The following TMEFF2 variants were observed in gnomAD, a reference collection of about 807,000 sequenced individuals.
TMEFF2 encodes transmembrane protein with EGF like and two follistatin like domains 2.
In TMEFF2, 28 loss-of-function variants were observed where a neutral mutation model predicts 53.8. That is an observed-to-expected ratio of 0.52 (90% CI 0.39 to 0.71). The LOEUF (loss-of-function observed/expected upper bound fraction) is 0.71. Among genes scored for constraint, TMEFF2 ranks in the 30% least tolerant of loss-of-function variants. The probability of loss-of-function intolerance (pLI) is 0.00; values close to 1 mark genes in which losing one functional copy is unlikely to be tolerated. For missense variants in TMEFF2, 353 were observed against 455.2 expected, an observed-to-expected ratio of 0.78 and a Z score of 2.04; for synonymous variants, 162 against 166.3, an observed-to-expected ratio of 0.97 and a Z score of 0.20.
chr2:192,149,108 A>T (rs1690323557), intron 4 of TMEFF2, among the ~76,000 whole-genome samples: 1 of 151,810 alleles, frequency 6.6e-6, no homozygotes, highest in South Asian at 2.1e-4. Context: ...TCAGGCCTTT[A>T]ATTTTGCATT....
Position 192,194,504 on chromosome 2 carries a change from C to T in TMEFF2, c.21G>A (p.Pro7=). Residue 7 remains proline (P), a synonymous_variant, in exon 1 of 10, where the codon CCG becomes CCA. Transcript: ENST00000272771. The surrounding 1 kb of genome is among the most constrained non-coding windows in gnomAD (Gnocchi z 4.2). MVLWES[P]RQCSSWTLCE... Reference sequence around the variant, plus strand: ...AAAGTGTCCAGCTGCTGCACTGCCGCGGGGACTCCCACAGCACCATGACTA... The same window carrying T: ...AAAGTGTCCAGCTGCTGCACTGCCGTGGGGACTCCCACAGCACCATGACTA... The T allele has an allele frequency of 6.2e-7, 1 of 1,613,610 alleles. No homozygotes were observed. The highest frequency in any genetic ancestry group is 8.5e-7 in the Non-Finnish European group (1 of 1,179,966).
chr2:192,120,230 A>G (rs536123391), intron 4 of TMEFF2, among the ~76,000 whole-genome samples: 1 of 152,296 alleles, frequency 6.6e-6, no homozygotes, highest in East Asian at 1.9e-4. Flanking sequence ...GACTGAACAG[A>G]GGACTGGCCT....
Position 191,949,848 on chromosome 2 carries a change from C to T in TMEFF2, c.*463G>A. Reference sequence around the variant, plus strand: ...AATTATTTTTTCTCTTTTCCAATAACCATCATTTCCCTTGATCTTGGAATC... The same window carrying T: ...AATTATTTTTTCTCTTTTCCAATAATCATCATTTCCCTTGATCTTGGAATC... On this transcript the variant is annotated 3_prime_UTR_variant, in exon 10 of 10. Transcript: ENST00000272771. 2 of 985,920 alleles carry T rather than the reference C, an allele frequency of 2.0e-6. No homozygotes were observed. The highest frequency in any genetic ancestry group is 2.4e-6 in the Non-Finnish European group (2 of 830,084). The allele number at this position is 985,920 out of a possible 1,614,324, so 61.1% of individuals were successfully genotyped here.
chr2:192,032,044 A>G (rs1687151030), intron 5 of TMEFF2: 1 of 152,238 alleles, frequency 6.6e-6, no homozygotes, highest in African/African-American at 2.4e-5. Context: ...TTGGAAACAC[A>G]AAGCACTTTT....
intron 4 of TMEFF2, among the ~76,000 whole-genome samples, chr2:192,132,727 A>G (rs970311628): frequency 6.6e-6 from 1 of 152,150 alleles, no homozygotes; most frequent in Non-Finnish European, 1.5e-5. Context: ...CCACCAGGGC[A>G]AGGAATGCCT....
chr2:192,049,230 G>T (rs918900579), intron 5 of TMEFF2, among the ~76,000 whole-genome samples: 3 of 152,058 alleles, frequency 2.0e-5, no homozygotes, highest in African/African-American at 7.2e-5. Context: ...GACCCTGAGT[G>T]GTAGTTAAGA....
At chr2:192,010,890 C>G (rs1686610263) in intron 5 of TMEFF2, among the ~76,000 whole-genome samples, 1 of 152,182 alleles carries the variant, frequency 6.6e-6, no homozygotes, top group Non-Finnish European at 1.5e-5. Flanking sequence ...CTGGTGCCTT[C>G]TAACAAGAGG....
At chr2:192,067,098 T>A (rs986511043) in intron 4 of TMEFF2, among the ~76,000 whole-genome samples, 1 of 151,822 alleles carries the variant, frequency 6.6e-6, no homozygotes, top group African/African-American at 2.4e-5. Flanking sequence ...TTGCAAGATT[T>A]GCTAATGAGG....
chr2:192,051,983 A>C, intron 5 of TMEFF2, among the ~76,000 whole-genome samples: 1 of 152,178 alleles, frequency 6.6e-6, no homozygotes, highest in East Asian at 1.9e-4. Flanking sequence ...CTCAAACACT[A>C]AGGATGTTAT....
intron 4 of TMEFF2, among the ~76,000 whole-genome samples, chr2:192,125,854 G>A (rs1179401113): frequency 6.6e-6 from 1 of 152,160 alleles, no homozygotes; most frequent in African/African-American, 2.4e-5. Flanking sequence ...TGGGAAACAA[G>A]ACACACTGGG....
At chr2:192,090,332 T>A (rs555884933) in intron 4 of TMEFF2, among the ~76,000 whole-genome samples, 24 of 152,264 alleles carry the variant, frequency 1.6e-4, no homozygotes, top group Admixed American at 1.2e-3. Context: ...TTTTCCAGAA[T>A]TTTTTATGAT....
chr2:192,174,559 G>A (rs1298091644), intron 4 of TMEFF2, among the ~76,000 whole-genome samples: 1 of 151,686 alleles, frequency 6.6e-6, no homozygotes, highest in African/African-American at 2.4e-5. Context: ...AACCTAAGAA[G>A]AGCTGAGATA....
chr2:192,099,957 GAA>G (rs1261889799), intron 4 of TMEFF2, among the ~76,000 whole-genome samples: 1 of 152,050 alleles, frequency 6.6e-6, no homozygotes, highest in Non-Finnish European at 1.5e-5. Context: ...ATCTTGGCCA[GAA>G]AAGTTATTGA....
At chr2:192,045,829 G>A (rs923138450) in intron 5 of TMEFF2, among the ~76,000 whole-genome samples, 5 of 152,120 alleles carry the variant, frequency 3.3e-5, no homozygotes, top group Non-Finnish European at 5.9e-5. Flanking sequence ...AGAGACAGCA[G>A]TTTGTCCTCA....
Position 191,950,413 on chromosome 2 carries a change from A to AGGTT in TMEFF2, c.1029-10_1029-7dup. On this transcript the variant is annotated splice_polypyrimidine_tract_variant and splice_region_variant and intron_variant, in intron 9 of 9. Transcript: ENST00000272771. ...TGTTGCTTCTGGGGCATTTCCTGGAAGGTTGGAAAGTTTACAAATCTCAGT... is the reference window on the plus strand; with the variant it reads ...TGTTGCTTCTGGGGCATTTCCTGGAAGGTTGGTTGGAAAGTTTACAAATCTCAGT... The AGGTT allele has an allele frequency of 6.2e-7, 1 of 1,613,980 alleles. No individual in the cohort carries two copies. Among genetic ancestry groups the AGGTT allele is most frequent in the South Asian group, 1.1e-5 (1 of 91,072 alleles).
intron 7 of TMEFF2, among the ~76,000 whole-genome samples, chr2:191,989,981 C>T (rs1686065041): frequency 6.6e-6 from 1 of 152,162 alleles, no homozygotes; most frequent in Non-Finnish European, 1.5e-5. Context: ...ATTCTACCCT[C>T]CTCCCCTGCA....
Position 192,102,626 on chromosome 2 carries a change from C to CTTTTTT in TMEFF2, c.440-44857_440-44852dup, listed in dbSNP as rs10635775. The stretch of plus-strand genomic sequence containing the variant: ...TCAATAATTTCTTTCTTTTCTTGTT[C>CTTTTTT]TTTTTTTTTTTTTTTTTTTTGAGAT... On this transcript the variant is annotated intron_variant, in intron 4 of 9. Coordinates refer to ENST00000272771, the MANE Select transcript of TMEFF2 (RefSeq NM_016192.4). Among the ~76,000 whole-genome samples the CTTTTTT allele has an allele frequency of 1.2e-3, 129 of 109,814 alleles. 1 individual carries two copies. Among genetic ancestry groups the CTTTTTT allele is most frequent in the East Asian group, 1.6e-3 (6 of 3,642 alleles). 72.0% of individuals were successfully genotyped at this position (109,814 alleles called of 152,430 possible).
At chr2:192,066,240 T>C (rs1303125587) in intron 4 of TMEFF2, among the ~76,000 whole-genome samples, 1 of 151,880 alleles carries the variant, frequency 6.6e-6, no homozygotes, top group Non-Finnish European at 1.5e-5. Context: ...AAATTAATAC[T>C]GCATATGTAT....
At chr2:192,148,548 T>C (rs1690308188) in intron 4 of TMEFF2, among the ~76,000 whole-genome samples, 1 of 152,034 alleles carries the variant, frequency 6.6e-6, no homozygotes, top group Non-Finnish European at 1.5e-5. Context: ...TAAGTAGGGC[T>C]GTGTGATATG....
Sources: allele counts gnomAD v4.1 joint callset (sites outside exome capture counted in the v4.1 genomes callset), GRCh38; gene constraint gnomAD v4.1.1; non-coding constraint Gnocchi (gnomAD v3.1); transcripts MANE v1.5; gene names NCBI Gene and HGNC (gene_info 2026-07-23, HGNC 2026-07-21).